Variants in TNIK observed in about 807,000 individuals in gnomAD.
TNIK encodes TRAF2 and NCK interacting kinase.
TNIK carries 49 observed loss-of-function variants against 191.3 expected under a neutral mutation model. The observed-to-expected ratio is 0.26, with a 90% CI of 0.20 to 0.32. The LOEUF is 0.32. TNIK is among the 10% of genes least tolerant of loss of function. The probability of loss-of-function intolerance (pLI) is 1.00; values close to 1 mark genes in which losing one functional copy is unlikely to be tolerated. For synonymous variants in TNIK, 594 were observed against 600.9 expected (o/e 0.99, Z 0.17); for missense variants, 1,155 against 1,702.3 (o/e 0.68, Z 5.66).
intron 9 of TNIK, among the ~76,000 whole-genome samples, chr3:171,174,609 C>T (rs1470872691): frequency 8.8e-6 from 1 of 114,064 alleles, no homozygotes; most frequent in Non-Finnish European, 1.7e-5. Context: ...CAGTCATATC[C>T]TATCAACATA....
At chr3:171,164,583 G>A (rs1437078441) in intron 10 of TNIK, among the ~76,000 whole-genome samples, 1 of 152,196 alleles carries the variant, frequency 6.6e-6, no homozygotes, top group East Asian at 1.9e-4. Flanking sequence ...ATAAGGGGCA[G>A]AGTTAGAATT....
chr3:171,221,980 T>G (rs1742402147), intron 3 of TNIK, among the ~76,000 whole-genome samples: 1 of 152,198 alleles, frequency 6.6e-6, no homozygotes, highest in South Asian at 2.1e-4. Context: ...TGTACCTTAC[T>G]GGCACTAACC....
chr3:171,277,861 G>GCTGA (rs1749949049), intron 2 of TNIK, among the ~76,000 whole-genome samples: 2 of 152,148 alleles, frequency 1.3e-5, no homozygotes, highest in South Asian at 4.1e-4. Context: ...CTATAGCCAA[G>GCTGA]CTGACTTTTT....
chr3:171,379,385 A>AT (rs1330135944), intron 1 of TNIK, among the ~76,000 whole-genome samples: 1 of 152,118 alleles, frequency 6.6e-6, no homozygotes, highest in Non-Finnish European at 1.5e-5. Flanking sequence ...TGACTTGAAT[A>AT]TTTTTTCTGA....
At chr3:171,230,824 T>C (rs1320582035) in intron 2 of TNIK, among the ~76,000 whole-genome samples, 3 of 152,176 alleles carry the variant, frequency 2.0e-5, no homozygotes, top group Non-Finnish European at 4.4e-5. Flanking sequence ...TCTCCCTCTC[T>C]GGTCTTCCTT....
chr3:171,191,792 C>T (rs961336558), intron 5 of TNIK, among the ~76,000 whole-genome samples: 2 of 152,090 alleles, frequency 1.3e-5, no homozygotes, highest in African/African-American at 4.8e-5. Flanking sequence ...CTGTTTTTGG[C>T]TTCTTTGTGG....
Position 171,188,714 on chromosome 3 carries a change from T to A in TNIK, c.627A>T (p.Thr209=). The A allele has an allele frequency of 6.2e-7, 1 of 1,613,468 alleles. No homozygotes were observed. The highest frequency in any genetic ancestry group is 8.5e-7 in the Non-Finnish European group (1 of 1,179,486). Residue 209 remains threonine, a synonymous_variant, in exon 7 of 33, where the codon ACA becomes ACT. Coordinates refer to ENST00000436636, the MANE Select transcript of TNIK (RefSeq NM_015028.4). ...VIACDENPDA[T]YDFKSDLWSL... The stretch of plus-strand genomic sequence containing the variant: ...AAAGAAGCCATACCTTGAAATCATA[T>A]GTGGCATCTGGGTTTTCATCACAGG...
At chr3:171,176,944 T>A (rs1412239914) in intron 8 of TNIK, among the ~76,000 whole-genome samples, 4 of 152,246 alleles carry the variant, frequency 2.6e-5, no homozygotes, top group Non-Finnish European at 5.9e-5. Context: ...GGAGTCTTTG[T>A]ATAACCTGTG....
chr3:171,261,852 G>T (rs186526623), intron 2 of TNIK, among the ~76,000 whole-genome samples: 128 of 152,280 alleles, frequency 8.4e-4, no homozygotes, highest in African/African-American at 2.7e-3. Context: ...GAAAACACAA[G>T]GGCTGGATGG....
chr3:171,077,647 AG>A (rs1269353508), intron 28 of TNIK, among the ~76,000 whole-genome samples: 1 of 152,112 alleles, frequency 6.6e-6, no homozygotes, highest in Non-Finnish European at 1.5e-5. Flanking sequence ...CCTGGTTCTC[AG>A]GCCTTCAGAT....
intron 2 of TNIK, among the ~76,000 whole-genome samples, chr3:171,334,224 A>C (rs1230953276): frequency 6.6e-6 from 1 of 152,204 alleles, no homozygotes; most frequent in African/African-American, 2.4e-5. Context: ...GGCTTTTAGG[A>C]AAATCACCCA....
rs1315373636 is a variant in TNIK at position 171,117,517 on chromosome 3, G to GAGACATATA, written c.2120+6078_2120+6079insTATATGTCT. ...GTAAATACATATATATGAGACATATGTGTATGTGTGCTCCAGAGATGTTCA... is the reference window on the plus strand; with the variant it reads ...GTAAATACATATATATGAGACATATGAGACATATATGTATGTGTGCTCCAGAGATGTTCA... On this transcript the variant is annotated intron_variant, in intron 18 of 32. Coordinates refer to ENST00000436636, the MANE Select transcript of TNIK (RefSeq NM_015028.4). Among the ~76,000 whole-genome samples the GAGACATATA allele has an allele frequency of 1.8e-3, 20 of 11,392 alleles. 1 individual carries two copies. The East Asian group carries it at 0.04, about 23-fold the overall frequency. The allele number at this position is 11,392 out of a possible 152,430, so 7.5% of individuals were successfully genotyped here.
chr3:171,090,414 C>T (rs968675074), intron 23 of TNIK, among the ~76,000 whole-genome samples: 2 of 148,584 alleles, frequency 1.3e-5, no homozygotes. Context: ...TTTTTTCTTT[C>T]TTTTCTTTCT....
intron 3 of TNIK, among the ~76,000 whole-genome samples, chr3:171,222,880 T>C (rs1054787234): frequency 6.6e-6 from 1 of 152,096 alleles, no homozygotes; most frequent in Non-Finnish European, 1.5e-5. Flanking sequence ...TAGTAGTAGT[T>C]TGAGGAAAGG....
chr3:171,162,300 G>A (rs938932629), intron 10 of TNIK, among the ~76,000 whole-genome samples: 6 of 150,904 alleles, frequency 4.0e-5, no homozygotes, highest in South Asian at 2.1e-4. Flanking sequence ...TACAGGCACC[G>A]GTAGTCCCAG....
intron 12 of TNIK, among the ~76,000 whole-genome samples, chr3:171,156,710 A>G (rs1200082172): frequency 2.6e-5 from 4 of 152,246 alleles, no homozygotes; most frequent in Admixed American, 6.5e-5. Flanking sequence ...TGTGGCTAGC[A>G]GTATGGCTTC....
intron 2 of TNIK, among the ~76,000 whole-genome samples, chr3:171,274,403 C>A (rs184310078): frequency 7.9e-5 from 12 of 152,208 alleles, no homozygotes; most frequent in Non-Finnish European, 1.5e-4. Flanking sequence ...GACTGGAAAC[C>A]ACTTCAGAAG....
At chr3:171,408,820 C>T (rs7633882) in intron 1 of TNIK, among the ~76,000 whole-genome samples, 21,686 of 152,162 alleles carry the variant, frequency 0.14, 1,724 homozygotes, top group South Asian at 0.3. Context: ...GCCTCAACTG[C>T]AAACTGACAA....
intron 2 of TNIK, among the ~76,000 whole-genome samples, chr3:171,308,249 A>C (rs1560406892): frequency 2.6e-5 from 4 of 152,180 alleles, no homozygotes. Context: ...GAAACAGAAC[A>C]GAGAACCCAG....
Sources: allele counts gnomAD v4.1 joint callset (sites outside exome capture counted in the v4.1 genomes callset), GRCh38; gene constraint gnomAD v4.1.1; transcripts MANE v1.5; gene names NCBI Gene and HGNC (gene_info 2026-07-23, HGNC 2026-07-21).